PMS2: variants seen among roughly 807,000 people sequenced by gnomAD.
The protein encoded by PMS2 is mismatch repair endonuclease PMS2.
A neutral mutation model predicts 90.0 loss-of-function variants in PMS2; 69 were observed. The ratio of observed to expected loss-of-function variants is 0.77; its 90% confidence interval spans 0.63 to 0.94. PMS2 has a LOEUF of 0.94. Among genes scored for constraint, PMS2 ranks in the 40% least tolerant of loss-of-function variants. The pLI is 0.00. For missense variants in PMS2, 966 were observed against 1,040.2 expected (o/e 0.93, Z 0.98); for synonymous variants, 332 against 375.1 (o/e 0.89, Z 1.33).
intron 1 of PMS2, among the ~76,000 whole-genome samples, chr7:6,008,634 G>T (rs1013811260): frequency 2.6e-5 from 4 of 152,124 alleles, no homozygotes; most frequent in African/African-American, 7.2e-5. Context: ...AATAAAAGGG[G>T]AGAGAGAACA....
intron 12 of PMS2, among the ~76,000 whole-genome samples, chr7:5,982,548 G>A (rs1353412147): frequency 6.6e-6 from 1 of 152,062 alleles, no homozygotes; most frequent in Admixed American, 6.6e-5. Context: ...CGTTGGCCAG[G>A]CTGGTCTCCA....
Position 5,989,000 on chromosome 7 carries a change from C to T in PMS2, c.1144+800G>A, listed in dbSNP as rs1338197454. 5.9e-5 allele frequency among the ~76,000 whole-genome samples: 9 copies of T among 152,142 alleles called. No individual in the cohort carries two copies. In the South Asian group the frequency reaches 1.2e-3, roughly 21 times the overall value. ...CCTCCTGAGTAGCTGGGACTACAGG[C>T]GCCCGCCACCACGCCCGGCTAATTT... On this transcript the variant is annotated intron_variant, in intron 10 of 14. Coordinates refer to ENST00000265849, the MANE Select transcript of PMS2 (RefSeq NM_000535.7).
intron 5 of PMS2, 24 bp from the exon 6 acceptor site, chr7:5,999,299 T>C (rs2128802684): frequency 6.3e-7 from 1 of 1,593,700 alleles, no homozygotes; most frequent in Non-Finnish European, 8.6e-7. Flanking sequence ...ACAAACACAA[T>C]ATTCTACATT....
At chr7:5,999,657 G>A (rs111412989) in intron 5 of PMS2, among the ~76,000 whole-genome samples, 26 of 152,036 alleles carry the variant, frequency 1.7e-4, no homozygotes, top group African/African-American at 5.8e-4. Context: ...TTAGCCGGGC[G>A]TCATGGCATG....
chr7:5,989,814 A>G lies in PMS2; in HGVS notation c.1130T>C (p.Leu377Pro), dbSNP rs1583334040. 1 of 1,612,596 alleles carries G rather than the reference A, an allele frequency of 6.2e-7. No individual in the cohort carries two copies. Among genetic ancestry groups the G allele is most frequent in the African/African-American group, 1.3e-5 (1 of 75,028 alleles). ...ATTTTTCTTACCTTCAACATCCAGCAGTGGCTGCTGACTGACATTTAGCTT... is the reference window on the plus strand; with the variant it reads ...ATTTTTCTTACCTTCAACATCCAGCGGTGGCTGCTGACTGACATTTAGCTT... ...VNKLNVSQQP[L>P]LDVEGNLIKM... is the part of the protein sequence containing the mutation. The change falls in exon 10 of 15, where the codon CTG becomes CCG. Residue 377 changes from leucine (L) to proline (P), a missense_variant. By Grantham distance (98) the Leu-to-Pro change is moderately conservative. This residue lies in a region of PMS2 where 871 missense variants were observed against 802.4 expected (regional missense o/e 1.09). Coordinates refer to ENST00000265849, the MANE Select transcript of PMS2 (RefSeq NM_000535.7).
rs777161854 is a variant in PMS2, at chr7:5,992,019, A to C, written c.942T>G (p.Asn314Lys). Residue 314 changes from asparagine (N) to lysine (K), a missense_variant, in exon 9 of 15, where the codon AAT becomes AAG. Asn to Lys is a moderately conservative substitution (Grantham distance 94). Transcript: ENST00000265849. ...GAACAACAAATGGATACTGGTGTCG[A>C]TTATACATGTGGTAGACCTCATTCA... ...RLVNEVYHMY[N>K]RHQYPFVVLN... is the part of the protein sequence containing the mutation. The C allele has an allele frequency of 1.2e-6, 2 of 1,603,508 alleles. No homozygotes were observed. Among genetic ancestry groups the C allele is most frequent in the Admixed American group, 3.3e-5 (2 of 59,992 alleles).
chr7:6,002,344 C>T, intron 5 of PMS2, 109 bp downstream of exon 5: 1 of 779,926 alleles, frequency 1.3e-6, no homozygotes, highest in South Asian at 1.5e-5. Context: ...TAAAGCATTT[C>T]TCAATAATTT....
rs555970045 is a variant in PMS2 at position 5,984,801 on chromosome 7, G to GA, written c.2007-1811dup. ...CTCTTGTCTCAAAAAAAAAACAAAG[G>GA]AGCTGATATTGTTGTTTCTTTCTAT... On this transcript the variant is annotated intron_variant, in intron 11 of 14. Coordinates refer to ENST00000265849, the MANE Select transcript of PMS2 (RefSeq NM_000535.7). Among the ~76,000 whole-genome samples the GA allele has an allele frequency of 4.5e-4, 68 of 151,488 alleles. No homozygotes were observed. In the South Asian group the frequency reaches 8.1e-3, roughly 18 times the overall value.
intron 7 of PMS2, among the ~76,000 whole-genome samples, chr7:5,996,848 GC>G (rs1784462723): frequency 6.6e-6 from 1 of 152,034 alleles, no homozygotes; most frequent in Non-Finnish European, 1.5e-5. Flanking sequence ...TTTGAATTAA[GC>G]AACTGACTCC....
intron 2 of PMS2, 39 bp downstream of exon 2, chr7:6,005,853 C>G (rs1433170709): frequency 6.2e-7 from 1 of 1,610,322 alleles, no homozygotes; most frequent in Non-Finnish European, 8.5e-7. Flanking sequence ...ACAACATTCA[C>G]AGATCATTTC....
intron 11 of PMS2, among the ~76,000 whole-genome samples, chr7:5,985,091 G>C (rs1782708802): frequency 6.6e-6 from 1 of 151,300 alleles, no homozygotes. Context: ...CCACACCAGT[G>C]ATTTTAACAG....
At chr7:5,988,567 AAAAG>A (rs1365495876) in intron 10 of PMS2, among the ~76,000 whole-genome samples, 1 of 152,136 alleles carries the variant, frequency 6.6e-6, no homozygotes, top group Non-Finnish European at 1.5e-5. Context: ...CCTCTCAAAA[AAAAG>A]AAAGAAGTGC....
rs1064793866 is a variant in PMS2 at position 5,986,756 on chromosome 7, T to C, written c.2006+3A>G. The C allele has an allele frequency of 1.9e-6, 3 of 1,576,950 alleles. No homozygotes were observed. The highest frequency in any genetic ancestry group is 4.5e-5 in the East Asian group (2 of 44,388). On this transcript the variant is annotated splice_donor_region_variant and intron_variant, in intron 11 of 14. Coordinates refer to ENST00000265849, the MANE Select transcript of PMS2 (RefSeq NM_000535.7). ...GAGAAAAAGTAAAAAATTAAAACTT[T>C]ACCTTATCTCTTTTCTTAGTTCATC...
rs1583336015 is a variant in PMS2, at chr7:5,989,963, A to C, written c.989-8T>G. 6.5e-7 allele frequency: 1 copy of C among 1,548,690 alleles called. No individual in the cohort carries two copies. The highest frequency in any genetic ancestry group is 1.2e-5 in the South Asian group (1 of 86,518). On this transcript the variant is annotated splice_polypyrimidine_tract_variant and splice_region_variant and intron_variant, in intron 9 of 14. Transcript: ENST00000265849. Reference sequence around the variant, plus strand: ...CATTGATATCAACGCATTCTAAGGCAAAAAAGAAAACATATTTATTATGTT... The same window carrying C: ...CATTGATATCAACGCATTCTAAGGCCAAAAAGAAAACATATTTATTATGTT...
intron 11 of PMS2, among the ~76,000 whole-genome samples, chr7:5,984,728 T>C (rs545885803): frequency 1.4e-3 from 210 of 151,626 alleles, no homozygotes; most frequent in Middle Eastern, 6.8e-3. Context: ...GAGCTTGCAG[T>C]GAGCTGAGAT....
chr7:5,999,390 A>T, intron 5 of PMS2, 115 bp from the exon 6 acceptor site: 1 of 910,424 alleles, frequency 1.1e-6, no homozygotes, highest in Non-Finnish European at 1.8e-6. Flanking sequence ...AATCAAGGGA[A>T]GCACTGTTGA....
At chr7:5,999,847 C>A (rs1212464373) in intron 5 of PMS2, among the ~76,000 whole-genome samples, 2 of 152,128 alleles carry the variant, frequency 1.3e-5, no homozygotes, top group Non-Finnish European at 2.9e-5. Flanking sequence ...ATTTTATAAT[C>A]TCTCCTTTTG....
At chr7:5,999,504 C>T (rs954400568) in intron 5 of PMS2, among the ~76,000 whole-genome samples, 1 of 152,050 alleles carries the variant, frequency 6.6e-6, no homozygotes. Context: ...GCCATGCATC[C>T]TGGTAAAACA....
intron 8 of PMS2, among the ~76,000 whole-genome samples, chr7:5,992,559 A>G (rs1345127899): frequency 6.6e-6 from 1 of 151,706 alleles, no homozygotes; most frequent in Admixed American, 6.6e-5. Context: ...ACCTCAGTTG[A>G]TCCGCCCGCC....
Sources: gnomAD v4.1 joint callset for allele counts (sites outside exome capture counted in the v4.1 genomes callset) on GRCh38, gnomAD v4.1.1 for gene constraint, gnomAD v4.1.1 regional missense constraint, MANE v1.5 for transcripts, NCBI Gene and HGNC (gene_info 2026-07-23, HGNC 2026-07-21) for gene names.